Variants in OSBPL9 observed in about 807,000 individuals in gnomAD.
OSBPL9 encodes the protein oxysterol-binding protein-related protein 9.
Under a neutral mutation model 106.6 loss-of-function variants are expected in OSBPL9, and 40 were observed. That is an observed-to-expected ratio of 0.38 (90% CI 0.29 to 0.49). The LOEUF is 0.49. Among genes scored for constraint, OSBPL9 ranks in the 20% least tolerant of loss-of-function variants. The pLI is 0.97. For synonymous variants in OSBPL9, 269 were observed against 295.4 expected (o/e 0.91, Z 0.92); for missense variants, 609 against 887.2 (o/e 0.69, Z 3.98).
At chr1:51,615,287 A>C (rs1045021340), upstream of OSBPL9, among the ~76,000 whole-genome samples, 9 of 152,082 alleles carry the variant, frequency 5.9e-5, no homozygotes, top group African/African-American at 2.2e-4. Flanking sequence ...AAACAAACAA[A>C]AAAAACAGAA....
intron 12 of OSBPL9, among the ~76,000 whole-genome samples, chr1:51,769,980 T>C (rs1673485223): frequency 6.6e-6 from 1 of 152,098 alleles, no homozygotes; most frequent in South Asian, 2.1e-4. Flanking sequence ...CTTTCATGCT[T>C]TTTTTTGAGA....
At chr1:51,573,508 CAAAAA>C (rs961323006), upstream of OSBPL9, among the ~76,000 whole-genome samples, 1 of 25,060 alleles carries the variant, frequency 4.0e-5, no homozygotes, top group African/African-American at 1.5e-4. Context: ...AACTCCATCT[CAAAAA>C]AAAAAAAAAA....
chr1:51,776,760 C>CT (rs57902123), intron 14 of OSBPL9, 73 bp from the exon 15 acceptor site: 42,666 of 788,570 alleles, frequency 0.054, no homozygotes, highest in East Asian at 0.06. Flanking sequence ...GTTTTGTTTT[C>CT]TTTTTTTTTT....
chr1:51,564,051 T>TGAAAAAAAAAAA, the OSBPL9 span, among the ~76,000 whole-genome samples: 1 of 242 alleles, frequency 4.1e-3, no homozygotes, highest in African/African-American at 0.01. Flanking sequence ...CGAGATCATC[T>TGAAAAAAAAAAA]CAAAAAAAAA....
chr1:51,647,386 A>AT lies in OSBPL9; in HGVS notation c.112-4597dup, dbSNP rs546825728. 2.5e-4 allele frequency among the ~76,000 whole-genome samples: 38 copies of AT among 151,718 alleles called. No individual in the cohort carries two copies. The East Asian group carries it at 3.3e-3, about 13-fold the overall frequency. On this transcript the variant is annotated intron_variant, in intron 1 of 23. Transcript: ENST00000428468. Reference sequence around the variant, plus strand: ...AAACAGATACTGTTTTTTACGTACGATTTTTTTTCTGGTTTTGGTATTAGA... The same window carrying AT: ...AAACAGATACTGTTTTTTACGTACGATTTTTTTTTCTGGTTTTGGTATTAGA...
chr1:51,590,636 G>A (rs1030734209), intron 1 of OSBPL9, among the ~76,000 whole-genome samples: 87 of 139,844 alleles, frequency 6.2e-4, no homozygotes, highest in Non-Finnish European at 8.4e-4. Context: ...AAAAAAAAAA[G>A]AAAAAAAAGA....
At chr1:51,531,809 A>G in the OSBPL9 span, among the ~76,000 whole-genome samples, 1 of 152,170 alleles carries the variant, frequency 6.6e-6, no homozygotes, top group South Asian at 2.1e-4. Context: ...CCAAGTGTCT[A>G]TAATAAAACC....
chr1:51,676,207 A>G (rs375725509), intron 3 of OSBPL9, among the ~76,000 whole-genome samples: 1 of 152,142 alleles, frequency 6.6e-6, no homozygotes, highest in African/African-American at 2.4e-5. Context: ...TGGTGGGTGG[A>G]TCACTTCAGA....
At chr1:51,594,153 T>C (rs566782428) in intron 1 of OSBPL9, among the ~76,000 whole-genome samples, 1 of 152,038 alleles carries the variant, frequency 6.6e-6, no homozygotes, top group South Asian at 2.1e-4. Context: ...CCCCAGCACT[T>C]TGGGAGGCCG....
At chr1:51,642,896 C>G (rs1003996167) in intron 1 of OSBPL9, among the ~76,000 whole-genome samples, 1 of 152,162 alleles carries the variant, frequency 6.6e-6, no homozygotes, top group African/African-American at 2.4e-5. Flanking sequence ...GACCCTAGAG[C>G]TTTTTAGAAG....
chr1:51,764,308 ATT>A (rs559341357), intron 11 of OSBPL9, among the ~76,000 whole-genome samples: 3 of 150,102 alleles, frequency 2.0e-5, no homozygotes, highest in African/African-American at 7.3e-5. Flanking sequence ...TTCTTGATCA[ATT>A]TTTTTTTTAT....
chr1:51,564,960 C>T, the OSBPL9 span, among the ~76,000 whole-genome samples: 1 of 152,212 alleles, frequency 6.6e-6, no homozygotes, highest in Non-Finnish European at 1.5e-5. Context: ...ATGGCAGCAA[C>T]CCAGCCCCTT....
At chr1:51,748,314 A>G in intron 6 of OSBPL9, 55 bp from the exon 7 acceptor site, 1 of 1,496,432 alleles carries the variant, frequency 6.7e-7, no homozygotes, top group Non-Finnish European at 8.8e-7. Context: ...GTAAAAAATA[A>G]CCGTCCTTCT....
At chr1:51,543,504 T>C in the OSBPL9 span, among the ~76,000 whole-genome samples, 2 of 152,260 alleles carry the variant, frequency 1.3e-5, no homozygotes, top group Non-Finnish European at 1.5e-5. Context: ...CAATCGATTC[T>C]CCTGCCTCAG....
At chr1:51,652,470 A>G (rs1162277292) in intron 2 of OSBPL9, among the ~76,000 whole-genome samples, 3 of 152,224 alleles carry the variant, frequency 2.0e-5, no homozygotes, top group Non-Finnish European at 4.4e-5. Context: ...TAGAAATACA[A>G]TGTTAGCCAC....
chr1:51,741,651 T>A (rs951722986), intron 4 of OSBPL9, among the ~76,000 whole-genome samples: 2 of 99,120 alleles, frequency 2.0e-5, no homozygotes, highest in Non-Finnish European at 4.2e-5. Flanking sequence ...AACAGAGACT[T>A]TTTTTTTTTA....
At chr1:51,780,491 TAAAG>T (rs1364063562) in intron 15 of OSBPL9, among the ~76,000 whole-genome samples, 8 of 151,982 alleles carry the variant, frequency 5.3e-5, no homozygotes, top group Non-Finnish European at 1.0e-4. Flanking sequence ...AACAAGCAAA[TAAAG>T]AAAACGTGGC....
intron 4 of OSBPL9, among the ~76,000 whole-genome samples, chr1:51,714,905 A>G (rs527636067): frequency 6.6e-6 from 1 of 152,228 alleles, no homozygotes; most frequent in African/African-American, 2.4e-5. Flanking sequence ...TGTTCATCCT[A>G]CCCAACCCGA....
upstream of OSBPL9, among the ~76,000 whole-genome samples, chr1:51,616,530 A>C (rs1315478030): frequency 1.3e-5 from 2 of 152,124 alleles, no homozygotes; most frequent in African/African-American, 4.8e-5. Context: ...TTACCTTTTC[A>C]CTCAGGCCTT....
Sources: allele counts gnomAD v4.1 joint callset (sites outside exome capture counted in the v4.1 genomes callset), GRCh38; gene constraint gnomAD v4.1.1; transcripts MANE v1.5; gene names NCBI Gene and HGNC (gene_info 2026-07-23, HGNC 2026-07-21).